SUMF1: variants seen among roughly 807,000 people sequenced by gnomAD.
SUMF1 encodes the protein sulfatase modifying factor 1, also known as formylglycine-generating enzyme.
A neutral mutation model predicts 47.6 loss-of-function variants in SUMF1; 48 were observed. The observed-to-expected ratio is 1.01, with a 90% CI of 0.80 to 1.28. SUMF1 has a LOEUF of 1.28. Ranked by LOEUF, SUMF1 falls within the 50% of genes most tolerant of loss-of-function variation. The pLI is 0.00. For synonymous variants in SUMF1, 230 were observed against 192.1 expected (o/e 1.20, Z -1.63); for missense variants, 571 against 485.4 (o/e 1.18, Z -1.66).
intron 8 of SUMF1, among the ~76,000 whole-genome samples, chr3:4,217,428 G>A (rs934987725): frequency 4.2e-5 from 6 of 141,658 alleles, no homozygotes; most frequent in Non-Finnish European, 9.1e-5. Flanking sequence ...ACAGGTTGAT[G>A]GGTGCAGCAA....
intron 8 of SUMF1, among the ~76,000 whole-genome samples, chr3:4,151,556 T>TACAC (rs35911373): frequency 0.033 from 4,564 of 137,222 alleles, 164 homozygotes; most frequent in African/African-American, 0.063. Flanking sequence ...TGTGTGTATA[T>TACAC]ACACACACAC....
chr3:4,401,373 C>T (rs1379269258), intron 7 of SUMF1, among the ~76,000 whole-genome samples: 1 of 152,048 alleles, frequency 6.6e-6, no homozygotes, highest in Non-Finnish European at 1.5e-5. Flanking sequence ...AGTTCTAGAT[C>T]CTTGAGGAAT....
chr3:4,440,263 A>AAAAAAAAAAAAAAC (rs745740071), intron 3 of SUMF1, among the ~76,000 whole-genome samples: 1 of 132,150 alleles, frequency 7.6e-6, no homozygotes, highest in Non-Finnish European at 1.6e-5. Context: ...AAAAAAAAAA[A>AAAAAAAAAAAAAAC]AGATACTGAG....
intron 8 of SUMF1, among the ~76,000 whole-genome samples, chr3:4,151,405 G>A (rs11708348): frequency 0.67 from 95,891 of 142,362 alleles, 32,396 homozygotes; most frequent in African/African-American, 0.74. Context: ...ATATGTATAT[G>A]TATATATGTA....
intron 8 of SUMF1, among the ~76,000 whole-genome samples, chr3:4,346,236 T>G (rs144419664): frequency 6.6e-6 from 1 of 152,146 alleles, no homozygotes; most frequent in Non-Finnish European, 1.5e-5. Flanking sequence ...TTCTTCTCAG[T>G]GCCACATGGC....
chr3:4,059,006 C>A (rs1162422584), intron 9 of SUMF1, among the ~76,000 whole-genome samples: 1 of 152,064 alleles, frequency 6.6e-6, no homozygotes, highest in Non-Finnish European at 1.5e-5. Context: ...AAATGCCTTT[C>A]TTTTCATTAG....
chr3:4,312,400 AAAAT>A (rs1310807338), intron 8 of SUMF1, among the ~76,000 whole-genome samples: 3 of 152,162 alleles, frequency 2.0e-5, no homozygotes, highest in African/African-American at 7.2e-5. Context: ...ATAAGAGAAA[AAAAT>A]AGTATTTTTC....
chr3:4,143,736 T>C (rs1694126181), intron 8 of SUMF1, among the ~76,000 whole-genome samples: 2 of 152,080 alleles, frequency 1.3e-5, no homozygotes, highest in African/African-American at 4.8e-5. Context: ...CCCAAGGTCA[T>C]AAAGCTAAGT....
chr3:4,417,515 T>A (rs1701752808), intron 5 of SUMF1, among the ~76,000 whole-genome samples: 1 of 152,210 alleles, frequency 6.6e-6, no homozygotes, highest in Non-Finnish European at 1.5e-5. Context: ...TATAGAAAGC[T>A]GGGAGAGTAG....
At position 4,198,186 on chromosome 3, in the gene SUMF1, C is replaced by A. The variant is rs113209332; in HGVS notation, c.1015-129441G>T. Among the ~76,000 whole-genome samples, 116 of 152,062 alleles carry A rather than the reference C, an allele frequency of 7.6e-4. 3 individuals carry two copies. The highest frequency in any genetic ancestry group is 2.7e-3 in the African/African-American group (113 of 41,480). ...TACTCATTGGCAGTGAAGGTATAAACAAAGAGTGGAAATAAAACCAGTGAG... is the reference window on the plus strand; with the variant it reads ...TACTCATTGGCAGTGAAGGTATAAAAAAAGAGTGGAAATAAAACCAGTGAG... On this transcript the variant is annotated intron_variant and NMD_transcript_variant, in intron 8 of 12. Transcript: ENST00000448413.
chr3:4,335,805 C>T (rs1699135073), intron 8 of SUMF1, among the ~76,000 whole-genome samples: 1 of 151,640 alleles, frequency 6.6e-6, no homozygotes, highest in South Asian at 2.1e-4. Context: ...ACTAAAAATA[C>T]AAAAATTAGC....
At chr3:4,080,011 G>A (rs541002116) in intron 8 of SUMF1, among the ~76,000 whole-genome samples, 1 of 151,978 alleles carries the variant, frequency 6.6e-6, no homozygotes, top group East Asian at 1.9e-4. Context: ...GTCCTTATCT[G>A]TATAATAAAT....
rs73115989 is a variant in SUMF1 at position 4,250,657 on chromosome 3, C to A, written c.1014+125673G>T. On this transcript the variant is annotated intron_variant and NMD_transcript_variant, in intron 8 of 12. Transcript: ENST00000448413. ...CTCTCTTGTTAGAGGCTAACACAAC[C>A]GGTGACTTAAAGTTGGAGCCAGTGC... is the stretch of plus-strand genomic sequence containing the variant. 9.0e-3 allele frequency among the ~76,000 whole-genome samples: 1,377 copies of A among 152,170 alleles called. 19 individuals are homozygous for A. The highest frequency in any genetic ancestry group is 0.032 in the African/African-American group (1,310 of 41,516).
chr3:4,099,698 A>G (rs1049906080), intron 8 of SUMF1, among the ~76,000 whole-genome samples: 2 of 152,082 alleles, frequency 1.3e-5, no homozygotes, highest in African/African-American at 4.8e-5. Context: ...ATGATCTTAT[A>G]TAGAAAATCC....
At chr3:4,411,079 A>G (rs1407035976) in intron 6 of SUMF1, 101 bp from the exon 7 acceptor site, 8 of 987,604 alleles carry the variant, frequency 8.1e-6, no homozygotes, top group Non-Finnish European at 1.3e-5. Context: ...CAGAGTATGA[A>G]TGTTGGGTTT....
intron 8 of SUMF1, among the ~76,000 whole-genome samples, chr3:4,118,702 C>G (rs1042923356): frequency 4.6e-5 from 7 of 152,058 alleles, no homozygotes; most frequent in Admixed American, 2.0e-4. Flanking sequence ...AATACTCATG[C>G]TACTTGAGAA....
chr3:4,399,788 C>T (rs1057407171), intron 7 of SUMF1, among the ~76,000 whole-genome samples: 20 of 152,162 alleles, frequency 1.3e-4, no homozygotes, highest in Non-Finnish European at 1.5e-4. Context: ...GACAGAGTCT[C>T]GCTCTGCCAT....
intron 8 of SUMF1, among the ~76,000 whole-genome samples, chr3:4,276,478 A>G (rs554833059): frequency 3.5e-4 from 54 of 152,182 alleles, no homozygotes; most frequent in Admixed American, 2.6e-4. Flanking sequence ...CCATTAAAAG[A>G]AGAAATTATT....
At chr3:4,371,118 T>A (rs1179460177) in intron 8 of SUMF1, among the ~76,000 whole-genome samples, 1 of 152,100 alleles carries the variant, frequency 6.6e-6, no homozygotes, top group Non-Finnish European at 1.5e-5. Flanking sequence ...ATAAAGCACA[T>A]AATTAAAGAG....
Sources: gnomAD v4.1 joint callset for allele counts (sites outside exome capture counted in the v4.1 genomes callset) on GRCh38, gnomAD v4.1.1 for gene constraint, MANE v1.5 for transcripts, NCBI Gene and HGNC (gene_info 2026-07-23, HGNC 2026-07-21) for gene names.